PRDM15: variants seen among roughly 807,000 people sequenced by gnomAD.
PRDM15 encodes PR/SET domain 15, also known as PR domain zinc finger protein 15.
Under a neutral mutation model 128.6 loss-of-function variants are expected in PRDM15, and 64 were observed. The ratio of observed to expected loss-of-function variants is 0.50; its 90% CI spans 0.41 to 0.61. The LOEUF (loss-of-function observed/expected upper bound fraction) is 0.61, where lower values mean the gene tolerates loss of function less well. PRDM15 is among the 20% of genes least tolerant of loss of function. The pLI, the probability that PRDM15 is intolerant of heterozygous loss-of-function variation, is 0.00. For synonymous variants in PRDM15, 615 were observed against 621.8 expected (o/e 0.99, Z 0.16); for missense variants, 1,242 against 1,569.1 (o/e 0.79, Z 3.52).
chr21:41,871,859 C>G (rs372612449), intron 1 of PRDM15: 2 of 445,804 alleles, frequency 4.5e-6, no homozygotes, highest in African/African-American at 3.9e-5. Context: ...CTGCCGAGTA[C>G]AGTCTCTCCT....
chr21:41,837,563 G>A (rs1039885593), intron 8 of PRDM15, among the ~76,000 whole-genome samples: 7 of 152,068 alleles, frequency 4.6e-5, no homozygotes, highest in South Asian at 2.1e-4. Context: ...TGCTTAGTGC[G>A]GACAGCGTTT....
At chr21:41,878,985 G>A in intron 1 of PRDM15, 11 of 999,690 alleles carry the variant, frequency 1.1e-5, no homozygotes, top group Non-Finnish European at 1.3e-5. Context: ...GAGCGCCCGC[G>A]GCGGCGGGAC....
At chr21:41,878,722 T>C (rs754583912) in intron 1 of PRDM15, 8 of 1,573,302 alleles carry the variant, frequency 5.1e-6, no homozygotes, top group Non-Finnish European at 6.9e-6. Context: ...AAACGCGGGG[T>C]TGGGGGTCCA....
intron 3 of PRDM15, chr21:41,858,919 C>T (rs117605477): frequency 0.043 from 33,543 of 783,174 alleles, 893 homozygotes; most frequent in Middle Eastern, 0.082. Context: ...ACCTGTGCAG[C>T]GGCAGCACGT....
intron 19 of PRDM15, 104 bp downstream of exon 19, chr21:41,815,601 A>G (rs2062021337): frequency 1.4e-6 from 2 of 1,472,972 alleles, no homozygotes; most frequent in Non-Finnish European, 1.8e-6. Flanking sequence ...AGTGGGAATC[A>G]CAAAGAGGAA....
In PRDM15 at chr21:41,811,897, C is replaced by T. The variant is rs2061876270; in HGVS notation, c.2393-1061G>A. The T allele has an allele frequency of 6.6e-6, 1 of 152,204 alleles. No individual in the cohort carries two copies. The highest frequency in any genetic ancestry group is 2.4e-5 in the African/African-American group (1 of 41,444). The allele number at this position is 152,204 out of a possible 1,614,324, so 9.4% of individuals were successfully genotyped here. On this transcript the variant is annotated intron_variant, in intron 19 of 23. Coordinates refer to ENST00000398548, the MANE Select transcript of PRDM15 (RefSeq NM_001040424.3). The surrounding 1 kb of genome is among the most constrained non-coding windows in gnomAD (Gnocchi z 4.1). ...GACGGGCTTTCACCGTGGTCTCGAT[C>T]TCCTGACCTCGTGATCCGCCCGCCT... is the stretch of plus-strand genomic sequence containing the variant.
chr21:41,818,093 C>T (rs559407495), intron 18 of PRDM15, among the ~76,000 whole-genome samples: 65 of 152,278 alleles, frequency 4.3e-4, no homozygotes, highest in African/African-American at 1.2e-3. Context: ...TGTCTCTACG[C>T]GCTACTCAGG....
chr21:41,847,861 G>A lies in PRDM15; in HGVS notation c.539-670C>T, dbSNP rs1217693014. On this transcript the variant is annotated intron_variant, in intron 5 of 23. Coordinates refer to ENST00000398548, the MANE Select transcript of PRDM15 (RefSeq NM_001040424.3). ...CTCAGTCCATGCCACACAGGAATCT[G>A]GGGAGGGAGAGCTAAGCTGGGGGTA... Among the ~76,000 whole-genome samples the A allele has an allele frequency of 3.9e-5, 6 of 152,376 alleles. No individual in the cohort carries two copies. The East Asian group carries it at 9.6e-4, about 24-fold the overall frequency.
chr21:41,818,455 C>CTTTT (rs35158361), intron 18 of PRDM15, among the ~76,000 whole-genome samples: 67,416 of 151,178 alleles, frequency 0.45, 16,189 homozygotes, highest in Non-Finnish European at 0.53. Context: ...GCATGCGCTG[C>CTTTT]TTTTTTAATA....
At chr21:41,872,538 C>T (rs1231042484) in intron 1 of PRDM15, among the ~76,000 whole-genome samples, 2 of 152,050 alleles carry the variant, frequency 1.3e-5, no homozygotes, top group Non-Finnish European at 2.9e-5. Flanking sequence ...TTATTTTTTA[C>T]ACTTTTGACA....
chr21:41,865,291 TA>T (rs2063968320), intron 1 of PRDM15, among the ~76,000 whole-genome samples: 1 of 152,182 alleles, frequency 6.6e-6, no homozygotes, highest in South Asian at 2.1e-4. Context: ...GCATGCTTTC[TA>T]AAAGCGCTCT....
At chr21:41,861,699 A>T in intron 1 of PRDM15, 1 of 1,614,110 alleles carries the variant, frequency 6.2e-7, no homozygotes, top group Non-Finnish European at 8.5e-7. Flanking sequence ...GAAGGGTGAA[A>T]AGCAGACCGT....
intron 17 of PRDM15, 94 bp downstream of exon 17, chr21:41,820,001 G>A: frequency 1.8e-6 from 2 of 1,083,922 alleles, no homozygotes; most frequent in South Asian, 1.3e-5. Context: ...AGGTGCGACG[G>A]CTCTGTGTGT....
At chr21:41,818,476 T>A (rs993742858) in intron 18 of PRDM15, among the ~76,000 whole-genome samples, 4 of 151,790 alleles carry the variant, frequency 2.6e-5, no homozygotes, top group Non-Finnish European at 5.9e-5. Context: ...ACCACCCATG[T>A]GCCGTCCTTG....
chr21:41,839,122 T>A (rs1334519774), intron 7 of PRDM15, among the ~76,000 whole-genome samples: 2 of 152,198 alleles, frequency 1.3e-5, no homozygotes, highest in African/African-American at 4.8e-5. Context: ...AATCAAAGGA[T>A]GAGCCCTAGA....
intron 13 of PRDM15, among the ~76,000 whole-genome samples, chr21:41,824,498 G>T (rs28444375): frequency 0.59 from 89,766 of 151,864 alleles, 26,765 homozygotes; most frequent in Admixed American, 0.67. Flanking sequence ...AATAAACACT[G>T]CACAGAATAA....
chr21:41,849,375 C>T (rs1265522454), intron 5 of PRDM15, among the ~76,000 whole-genome samples: 3 of 152,100 alleles, frequency 2.0e-5, no homozygotes, highest in African/African-American at 4.8e-5. Flanking sequence ...CAAGACCAGC[C>T]TGGGCAACAT....
intron 1 of PRDM15, chr21:41,878,774 G>T: frequency 1.4e-6 from 2 of 1,446,754 alleles, no homozygotes; most frequent in Non-Finnish European, 1.8e-6. Flanking sequence ...ACCCGAGGGC[G>T]GGGGATAACG....
chr21:41,806,033 TCACCACCACCATCACCACC>T (rs1568879918), intron 21 of PRDM15, among the ~76,000 whole-genome samples: 3 of 14,288 alleles, frequency 2.1e-4, no homozygotes, highest in South Asian at 2.0e-3. Flanking sequence ...ACCACCACCA[TCACCACCACCATCACCACC>T]ACCACCATCA....
Sources: gnomAD v4.1 joint callset for allele counts (sites outside exome capture counted in the v4.1 genomes callset) on GRCh38, gnomAD v4.1.1 for gene constraint, Gnocchi (gnomAD v3.1) non-coding constraint, MANE v1.5 for transcripts, NCBI Gene and HGNC (gene_info 2026-07-23, HGNC 2026-07-21) for gene names.